The following ZMYM4 variants were observed in gnomAD, a reference collection of about 807,000 sequenced individuals.
ZMYM4 encodes zinc finger MYM-type protein 4.
ZMYM4 carries 31 observed loss-of-function variants against 183.2 expected under a neutral mutation model. That is an observed-to-expected ratio of 0.17 (90% CI 0.13 to 0.23). ZMYM4 has a LOEUF of 0.23. ZMYM4 is among the 10% of genes least tolerant of loss of function. ZMYM4 has a pLI of 1.00. For missense variants in ZMYM4, 1,273 were observed against 1,840.3 expected, an observed-to-expected ratio of 0.69 and a Z score of 5.64; for synonymous variants, 592 against 631.2, an observed-to-expected ratio of 0.94 and a Z score of 0.93.
At chr1:35,355,200 C>CTTTTTTT (rs1013941289) in intron 2 of ZMYM4, among the ~76,000 whole-genome samples, 6 of 77,198 alleles carry the variant, frequency 7.8e-5, no homozygotes, top group African/African-American at 3.1e-4. Flanking sequence ...CGCCTGGCTT[C>CTTTTTTT]TTTTTTTTTT....
At position 35,389,989 on chromosome 1, in the gene ZMYM4, T is replaced by C. The variant is rs747807736; in HGVS notation, c.2478T>C (p.Ser826=). ...CDACKRQGKL[S]ESLKWRGEMK... is the part of the protein sequence containing the mutation. Reference sequence around the variant, plus strand: ...CTTGTAAGCGACAGGGTAAACTCAGTGAGTCCTTGAAATGGCGAGGGGAAA... The same window carrying C: ...CTTGTAAGCGACAGGGTAAACTCAGCGAGTCCTTGAAATGGCGAGGGGAAA... The change falls in exon 15 of 30, where the codon AGT becomes AGC. Residue 826 remains serine, a synonymous_variant. Coordinates refer to ENST00000314607, the MANE Select transcript of ZMYM4 (RefSeq NM_005095.3). The surrounding 1 kb of genome is among the most constrained non-coding windows in gnomAD (Gnocchi z 4.0). 1.2e-6 allele frequency: 2 copies of C among 1,613,726 alleles called. No individual in the cohort carries two copies. Among genetic ancestry groups the C allele is most frequent in the South Asian group, 2.2e-5 (2 of 91,026 alleles).
intron 26 of ZMYM4, among the ~76,000 whole-genome samples, chr1:35,412,561 C>G (rs376792852): frequency 6.6e-6 from 1 of 152,014 alleles, no homozygotes; most frequent in Admixed American, 6.5e-5. Flanking sequence ...GTACAAAACT[C>G]ACTTCTGCAT....
At chr1:35,326,546 C>T (rs1642510585) in intron 2 of ZMYM4, among the ~76,000 whole-genome samples, 1 of 152,136 alleles carries the variant, frequency 6.6e-6, no homozygotes, top group African/African-American at 2.4e-5. Context: ...AATTTTATTA[C>T]AATAATTTAT....
chr1:35,353,124 C>T (rs1259054312), intron 2 of ZMYM4, among the ~76,000 whole-genome samples: 5 of 152,154 alleles, frequency 3.3e-5, no homozygotes, highest in Non-Finnish European at 7.3e-5. Flanking sequence ...TTTCATACCC[C>T]GCATCTCATA....
Position 35,283,326 on chromosome 1 carries a change from C to CTTT in ZMYM4, c.39+14268_39+14270dup, listed in dbSNP as rs201360397. Reference sequence around the variant, plus strand: ...TGTCCTAGTGGGTGTGAAGTGGTATCTTTTTTTTTTTTTTTTTTTTTTTTT... The same window carrying CTTT: ...TGTCCTAGTGGGTGTGAAGTGGTATCTTTTTTTTTTTTTTTTTTTTTTTTTTTT... On this transcript the variant is annotated intron_variant, in intron 1 of 29. Transcript: ENST00000314607. 4.0e-3 allele frequency among the ~76,000 whole-genome samples: 226 copies of CTTT among 56,758 alleles called. 58 individuals are homozygous for CTTT. The highest frequency in any genetic ancestry group is 0.019 in the African/African-American group (197 of 10,500). The allele number at this position is 56,758 out of a possible 152,430, so 37.2% of individuals were successfully genotyped here. A position where few individuals can be genotyped will look rare whatever the true frequency, so the allele number is the denominator to read the frequency against.
intron 2 of ZMYM4, among the ~76,000 whole-genome samples, chr1:35,350,510 C>T (rs1643565550): frequency 6.6e-6 from 1 of 152,242 alleles, no homozygotes; most frequent in African/African-American, 2.4e-5. Flanking sequence ...TGGTCTCGAA[C>T]TCCTGACCTC....
chr1:35,303,856 G>T (rs1641402746), intron 1 of ZMYM4, among the ~76,000 whole-genome samples: 1 of 151,174 alleles, frequency 6.6e-6, no homozygotes, highest in Admixed American at 6.6e-5. Flanking sequence ...TCTTGATTTG[G>T]CATCCTTCTT....
Position 35,408,001 on chromosome 1 carries a change from T to G in ZMYM4, c.3797-7T>G. ...TAATGTTTCAGATGTTTTCTACCTT[T>G]CCACAGTCCGCTCTATCAAGCTGAA... On this transcript the variant is annotated splice_region_variant and splice_polypyrimidine_tract_variant and intron_variant, in intron 25 of 29. Coordinates refer to ENST00000314607, the MANE Select transcript of ZMYM4 (RefSeq NM_005095.3). The G allele has an allele frequency of 5.6e-6, 9 of 1,614,158 alleles. No homozygotes were observed. Among genetic ancestry groups the G allele is most frequent in the Non-Finnish European group, 7.6e-6 (9 of 1,179,994 alleles).
chr1:35,308,650 C>T (rs545594937), intron 1 of ZMYM4, among the ~76,000 whole-genome samples: 37 of 152,240 alleles, frequency 2.4e-4, no homozygotes, highest in Non-Finnish European at 4.6e-4. Flanking sequence ...CACTTGAGCT[C>T]AGCAGTTCGA....
rs1278666832 is a variant in ZMYM4 at position 35,389,777 on chromosome 1, A to G, written c.2437-171A>G. 7.7e-6 allele frequency among the ~76,000 whole-genome samples: 1 copy of G among 129,522 alleles called. No individual in the cohort carries two copies. Among genetic ancestry groups the G allele is most frequent in the Non-Finnish European group, 1.5e-5 (1 of 67,006 alleles). 85.0% of individuals were successfully genotyped at this position (129,522 alleles called of 152,430 possible). On this transcript the variant is annotated intron_variant, in intron 14 of 29. Transcript: ENST00000314607. This position sits in a 1 kb window ranked among gnomAD's most constrained non-coding sequence, Gnocchi z 4.0. ...CTCAAAAAAAAAAAAAAATATATAT[A>G]TATATGTGTGTGTGTGTGTGTGTGT... is the stretch of plus-strand genomic sequence containing the variant.
chr1:35,351,394 A>G, intron 2 of ZMYM4: 2 of 1,573,434 alleles, frequency 1.3e-6, no homozygotes, highest in Non-Finnish European at 1.7e-6. Flanking sequence ...TTCTCTCAAT[A>G]CATAAAGAAC....
chr1:35,289,530 T>C lies in ZMYM4; in HGVS notation c.39+20445T>C, dbSNP rs542962. On this transcript the variant is annotated intron_variant, in intron 1 of 29. Transcript: ENST00000314607. The stretch of plus-strand genomic sequence containing the variant: ...TCGGGATGAAGGAGGAAGCTATTAT[T>C]TCCTTACTTTAGATCACTCCACTGA... 4.8e-3 allele frequency among the ~76,000 whole-genome samples: 737 copies of C among 152,286 alleles called. 6 individuals are homozygous for C. Among genetic ancestry groups the C allele is most frequent in the African/African-American group, 0.016 (662 of 41,544 alleles).
chr1:35,276,955 A>G (rs1474281334), intron 1 of ZMYM4, among the ~76,000 whole-genome samples: 1 of 152,092 alleles, frequency 6.6e-6, no homozygotes, highest in African/African-American at 2.4e-5. Context: ...TTCCCATGCT[A>G]TTTATTTGTT....
intron 1 of ZMYM4, among the ~76,000 whole-genome samples, chr1:35,296,699 G>A (rs1641029190): frequency 6.6e-6 from 1 of 152,122 alleles, no homozygotes; most frequent in Admixed American, 6.6e-5. Flanking sequence ...GCAAAAGAAG[G>A]CTATTCTTTT....
chr1:35,331,583 C>T (rs1642748654), intron 2 of ZMYM4, among the ~76,000 whole-genome samples: 1 of 151,642 alleles, frequency 6.6e-6, no homozygotes, highest in South Asian at 2.1e-4. Context: ...GTCAGGAGTT[C>T]GAGACCATCC....
At chr1:35,307,349 G>A (rs1641577161) in intron 1 of ZMYM4, among the ~76,000 whole-genome samples, 1 of 152,060 alleles carries the variant, frequency 6.6e-6, no homozygotes, top group Non-Finnish European at 1.5e-5. Flanking sequence ...TATGAATGCA[G>A]TGCAAAAACC....
intron 7 of ZMYM4, among the ~76,000 whole-genome samples, chr1:35,374,669 T>C (rs1267206208): frequency 7.0e-6 from 1 of 142,178 alleles, no homozygotes; most frequent in Admixed American, 7.2e-5. Flanking sequence ...CACATCTCCG[T>C]CTCAAAAAAA....
intron 1 of ZMYM4, among the ~76,000 whole-genome samples, chr1:35,300,229 T>G (rs1017936052): frequency 6.6e-6 from 1 of 152,218 alleles, no homozygotes; most frequent in African/African-American, 2.4e-5. Context: ...GGGAAGTCAG[T>G]GTGAATTGGC....
intron 7 of ZMYM4, among the ~76,000 whole-genome samples, chr1:35,374,847 G>T (rs1247950916): frequency 6.6e-6 from 1 of 151,538 alleles, no homozygotes; most frequent in African/African-American, 2.4e-5. Flanking sequence ...TGTTTCTTTG[G>T]CCTCCAGTCT....
Sources: allele counts gnomAD v4.1 joint callset (sites outside exome capture counted in the v4.1 genomes callset), GRCh38; gene constraint gnomAD v4.1.1; non-coding constraint Gnocchi (gnomAD v3.1); transcripts MANE v1.5; gene names NCBI Gene and HGNC (gene_info 2026-07-23, HGNC 2026-07-21).